Variants in INTS1 observed in about 807,000 individuals in gnomAD.
The protein encoded by INTS1 is integrator complex subunit 1.
A neutral mutation model predicts 241.6 loss-of-function variants in INTS1; 137 were observed. The ratio of observed to expected loss-of-function variants is 0.57; its 90% CI spans 0.49 to 0.65. INTS1 has a LOEUF of 0.65. INTS1 is among the 30% of genes least tolerant of loss of function. The pLI is 0.00. For synonymous variants in INTS1, 1,692 were observed against 1,337.8 expected (o/e 1.26, Z -5.78); for missense variants, 3,073 against 3,032.2 (o/e 1.01, Z -0.32).
intron 18 of INTS1, among the ~76,000 whole-genome samples, chr7:1,488,741 G>A (rs1308768579): frequency 6.6e-6 from 1 of 152,206 alleles, no homozygotes; most frequent in African/African-American, 2.4e-5. Context: ...GCCCTCACTG[G>A]TGAGATAGGA....
chr7:1,495,358 G>A lies in INTS1; in HGVS notation c.1832+75C>T. Reference sequence around the variant, plus strand: ...TCCTGGCTCAGTGGGGTTTGGGGCAGGGGTTGTGCGGGGCCCCGGCTTGTC... The same window carrying A: ...TCCTGGCTCAGTGGGGTTTGGGGCAAGGGTTGTGCGGGGCCCCGGCTTGTC... On this transcript the variant is annotated intron_variant, in intron 13 of 47. Coordinates refer to ENST00000404767, the MANE Select transcript of INTS1 (RefSeq NM_001080453.3). 6.6e-6 allele frequency: 10 copies of A among 1,523,440 alleles called. No individual in the cohort carries two copies. In the South Asian group the frequency reaches 1.1e-4, roughly 17 times the overall value. 94.4% of individuals were successfully genotyped at this position (1,523,440 alleles called of 1,614,324 possible).
intron 19 of INTS1, 70 bp downstream of exon 19, chr7:1,487,690 T>C (rs142563815): frequency 1.1e-3 from 1,663 of 1,563,526 alleles, no homozygotes; most frequent in Non-Finnish European, 1.4e-3. Flanking sequence ...CTTCAGCCTC[T>C]GTCCCACCCA....
At chr7:1,500,103 G>T in intron 4 of INTS1, 67 bp downstream of exon 4, 1 of 1,587,492 alleles carries the variant, frequency 6.3e-7, no homozygotes, top group African/African-American at 1.3e-5. Context: ...GACACTTAAG[G>T]GGGAGGTGAG....
chr7:1,483,698 C>T (rs753365986), intron 26 of INTS1, 44 bp downstream of exon 26: 1 of 1,496,500 alleles, frequency 6.7e-7, no homozygotes, highest in Non-Finnish European at 9.3e-7. Context: ...GGCTGTGGCC[C>T]ACCTGGCACG....
At chr7:1,499,443 C>A in intron 6 of INTS1, 30 bp downstream of exon 6, 1 of 1,574,252 alleles carries the variant, frequency 6.4e-7, no homozygotes. Context: ...GCTTGGACAC[C>A]CGCCCTCTCT....
chr7:1,499,830 T>A (rs1226124659), intron 5 of INTS1, 54 bp downstream of exon 5: 1 of 1,576,012 alleles, frequency 6.3e-7, no homozygotes, highest in Admixed American at 1.8e-5. Context: ...CTCTCGCCCC[T>A]GCCCCACCCC....
intron 43 of INTS1, 47 bp downstream of exon 43, chr7:1,473,025 G>A (rs781044498): frequency 4.5e-6 from 6 of 1,325,134 alleles, no homozygotes; most frequent in East Asian, 4.7e-5. Context: ...AGGCCCTGTA[G>A]GACTGTTCCG....
chr7:1,483,530 A>G (rs1283806074), intron 26 of INTS1: 1 of 612,684 alleles, frequency 1.6e-6, no homozygotes. Context: ...AGGTCCCACC[A>G]CGTGGGGATC....
At position 1,497,126 on chromosome 7, in the gene INTS1, G is replaced by C. The variant is rs369291403; in HGVS notation, c.1602+12C>G. ...AGTGAGGGAAAGGCGCCCCAGCGGC[G>C]AGGGCTGGCACCTTGAACTCCATCT... On this transcript the variant is annotated intron_variant, in intron 11 of 47. Transcript: ENST00000404767. This position sits in a 1 kb window ranked among gnomAD's most constrained non-coding sequence, Gnocchi z 5.3. The C allele has an allele frequency of 2.5e-6, 4 of 1,590,754 alleles. No individual in the cohort carries two copies. Among genetic ancestry groups the C allele is most frequent in the Admixed American group, 1.8e-5 (1 of 57,038 alleles).
intron 3 of INTS1, among the ~76,000 whole-genome samples, chr7:1,501,625 C>T (rs1001552082): frequency 6.6e-6 from 1 of 152,160 alleles, no homozygotes; most frequent in South Asian, 2.1e-4. Context: ...AATAAAGCAC[C>T]GAGCCGCCGG....
intron 8 of INTS1, 34 bp downstream of exon 8, chr7:1,498,941 C>CCA: frequency 3.7e-6 from 5 of 1,344,022 alleles, no homozygotes; most frequent in Non-Finnish European, 5.1e-6. Flanking sequence ...CCCCCACCCC[C>CCA]TGCCCCGCCC....
chr7:1,477,056 G>T, intron 35 of INTS1, 138 bp from the exon 36 acceptor site: 2 of 1,081,532 alleles, frequency 1.8e-6, no homozygotes, highest in Non-Finnish European at 2.6e-6. Flanking sequence ...GCCCCGTCAT[G>T]GTGCTGGAGG....
chr7:1,498,943 G>GGGCCGCCCCCCCCCCC, intron 8 of INTS1, 32 bp downstream of exon 8: 1 of 1,070,748 alleles, frequency 9.3e-7, no homozygotes, highest in Non-Finnish European at 1.3e-6. Flanking sequence ...CCCACCCCCT[G>GGGCCGCCCCCCCCCCC]CCCCGCCCAC....
Position 1,493,767 on chromosome 7 carries a change from G to T in INTS1, c.2055C>A (p.Ala685=), listed in dbSNP as rs751539576. The T allele has an allele frequency of 1.9e-6, 3 of 1,578,798 alleles. No homozygotes were observed. Among genetic ancestry groups the T allele is most frequent in the Middle Eastern group, 3.4e-4 (2 of 5,898 alleles). ...CAGAAGCCATACCATCCGCCTGCAC[G>T]GCAGCCGCCCGCTTCACCAGGTGGT... ...LADHLVKRAA[A]VQADDVEVLK... Residue 685 remains alanine, a synonymous_variant, in exon 15 of 48, where the codon GCC becomes GCA. Coordinates refer to ENST00000404767, the MANE Select transcript of INTS1 (RefSeq NM_001080453.3). This position sits in a 1 kb window ranked among gnomAD's most constrained non-coding sequence, Gnocchi z 5.3.
rs766007596 is a variant in INTS1 at position 1,481,283 on chromosome 7, G to A, written c.3850+59C>T. 1 of 1,600,632 alleles carries A rather than the reference G, an allele frequency of 6.2e-7. No individual in the cohort carries two copies. Among genetic ancestry groups the A allele is most frequent in the Non-Finnish European group, 8.5e-7 (1 of 1,171,780 alleles). On this transcript the variant is annotated intron_variant, in intron 28 of 47. Transcript: ENST00000404767. This position sits in a 1 kb window ranked among gnomAD's most constrained non-coding sequence, Gnocchi z 6.8. ...CTCGCACCCAGGCCCCAAAAGCCTG[G>A]CCGGGCTGGGGCTCGGTCAGCGTGT... is the stretch of plus-strand genomic sequence containing the variant.
chr7:1,478,319 T>C, intron 33 of INTS1, 47 bp downstream of exon 33: 6 of 1,600,072 alleles, frequency 3.7e-6, no homozygotes, highest in Non-Finnish European at 5.1e-6. Flanking sequence ...CAGGTTTGGG[T>C]CTTCCCAGGG....
At position 1,471,284 on chromosome 7, in the gene INTS1, T is replaced by A; in HGVS notation, c.6256-60A>T. ...GGGGTCCAGCCCCCATCAAGGCCCC[T>A]TCACCTCTTGGTCTCGTGATGGTTG... On this transcript the variant is annotated intron_variant, in intron 45 of 47. Transcript: ENST00000404767. The A allele has an allele frequency of 2.7e-6, 4 of 1,494,458 alleles. No individual in the cohort carries two copies. In the South Asian group the frequency reaches 4.8e-5, roughly 18 times the overall value. The allele number at this position is 1,494,458 out of a possible 1,614,324, so 92.6% of individuals were successfully genotyped here.
chr7:1,476,520 C>T (rs780449347), intron 37 of INTS1, 50 bp downstream of exon 37: 368 of 1,609,842 alleles, frequency 2.3e-4, no homozygotes, highest in Non-Finnish European at 3.0e-4. Flanking sequence ...CACCCCCTCT[C>T]CCGGATGGGC....
rs537257536 is a variant in INTS1 at position 1,475,823 on chromosome 7, G to A, written c.5502+125C>T. The A allele has an allele frequency of 3.8e-5, 47 of 1,228,362 alleles. No individual in the cohort carries two copies. The East Asian group carries it at 7.7e-4, about 20-fold the overall frequency. 76.1% of individuals were successfully genotyped at this position (1,228,362 alleles called of 1,614,324 possible). A position where few individuals can be genotyped will look rare whatever the true frequency, so the allele number is the denominator to read the frequency against. On this transcript the variant is annotated intron_variant, in intron 39 of 47. Transcript: ENST00000404767. ...CAAACCCACAGGGCCACAGGGCGGC[G>A]CGGACTGGGAAGGGGCAAGAGGGGT...
Sources: gnomAD v4.1 joint callset for allele counts (sites outside exome capture counted in the v4.1 genomes callset) on GRCh38, gnomAD v4.1.1 for gene constraint, Gnocchi (gnomAD v3.1) non-coding constraint, MANE v1.5 for transcripts, NCBI Gene and HGNC (gene_info 2026-07-23, HGNC 2026-07-21) for gene names.